The following MCUB variants were observed in gnomAD, a reference collection of about 807,000 sequenced individuals.
The protein encoded by MCUB is mitochondrial calcium uniporter dominant negative subunit beta.
Under a neutral mutation model 41.4 loss-of-function variants are expected in MCUB, and 46 were observed. That is an observed-to-expected ratio of 1.11 (90% confidence interval 0.88 to 1.42). The LOEUF is 1.42. Among genes scored for constraint, MCUB ranks in the 40% most tolerant of loss-of-function variants. The pLI is 0.00. For missense variants in MCUB, 403 were observed against 404.9 expected (o/e 1.00, Z 0.04); for synonymous variants, 148 against 148.2 (o/e 1.00, Z 0.01).
intron 1 of MCUB, among the ~76,000 whole-genome samples, chr4:109,600,920 G>A (rs1183650511): frequency 1.3e-5 from 2 of 151,906 alleles, no homozygotes; most frequent in Non-Finnish European, 2.9e-5. Flanking sequence ...ATAGCCTCCC[G>A]AATGGCTAGG....
At chr4:109,583,163 A>G (rs2126127082) in intron 1 of MCUB, among the ~76,000 whole-genome samples, 2 of 152,210 alleles carry the variant, frequency 1.3e-5, no homozygotes, top group Middle Eastern at 3.4e-3. Context: ...CGGTACGGCC[A>G]TTTTCATGAT....
chr4:109,616,274 CATTTT>C (rs5860982), intron 1 of MCUB, among the ~76,000 whole-genome samples: 32,052 of 151,904 alleles, frequency 0.21, 5,058 homozygotes, highest in African/African-American at 0.44. Flanking sequence ...GAGAATTCTG[CATTTT>C]ATTTTAACTG....
intron 1 of MCUB, among the ~76,000 whole-genome samples, chr4:109,650,736 C>A (rs1365429272): frequency 6.6e-6 from 1 of 152,154 alleles, no homozygotes; most frequent in African/African-American, 2.4e-5. Context: ...AAAATCTTGC[C>A]AATTTTTCCA....
At chr4:109,568,682 T>C (rs1726838477) in intron 1 of MCUB, among the ~76,000 whole-genome samples, 1 of 152,186 alleles carries the variant, frequency 6.6e-6, no homozygotes, top group South Asian at 2.1e-4. Flanking sequence ...AGCCCCACAA[T>C]ACTTACAGAA....
chr4:109,582,493 G>T (rs937489946), intron 1 of MCUB, among the ~76,000 whole-genome samples: 6 of 150,570 alleles, frequency 4.0e-5, no homozygotes, highest in African/African-American at 1.2e-4. Context: ...ACCTGCACGT[G>T]GGGCACATGT....
chr4:109,569,896 G>A (rs548095834), intron 1 of MCUB, among the ~76,000 whole-genome samples: 1 of 152,286 alleles, frequency 6.6e-6, no homozygotes, highest in African/African-American at 2.4e-5. Context: ...GAGACATTGT[G>A]AGATGAATGC....
chr4:109,646,250 C>G (rs1728833580), intron 1 of MCUB, among the ~76,000 whole-genome samples: 1 of 152,136 alleles, frequency 6.6e-6, no homozygotes, highest in Non-Finnish European at 1.5e-5. Flanking sequence ...ACATGGGAAA[C>G]TAAATTGATC....
At chr4:109,560,996 CG>C (rs1200997583) in intron 1 of MCUB, 1 of 152,128 alleles carries the variant, frequency 6.6e-6, no homozygotes, top group African/African-American at 2.4e-5. Flanking sequence ...ACCCGAGAGA[CG>C]GGTGAATCAT....
intron 1 of MCUB, among the ~76,000 whole-genome samples, chr4:109,612,839 T>G (rs147640734): frequency 0.017 from 2,636 of 152,178 alleles, 55 homozygotes; most frequent in African/African-American, 0.044. Context: ...GGGTGCGGTG[T>G]CTCACGCCTG....
intron 1 of MCUB, among the ~76,000 whole-genome samples, chr4:109,656,946 G>A: frequency 6.6e-6 from 1 of 152,144 alleles, no homozygotes; most frequent in East Asian, 1.9e-4. Context: ...CAGGCCGGGT[G>A]TGGTGGGTCA....
intron 1 of MCUB, among the ~76,000 whole-genome samples, chr4:109,653,617 C>A (rs1348716337): frequency 2.0e-5 from 3 of 152,062 alleles, no homozygotes; most frequent in Non-Finnish European, 2.9e-5. Flanking sequence ...ACTCTTGTTG[C>A]CCAGGCTGGA....
At chr4:109,590,445 T>G (rs1379272622) in intron 1 of MCUB, among the ~76,000 whole-genome samples, 3 of 152,246 alleles carry the variant, frequency 2.0e-5, no homozygotes, top group African/African-American at 4.8e-5. Context: ...AAATTGAGCT[T>G]CTTTTTATTA....
rs1729745144 is a variant in MCUB at position 109,682,648 on chromosome 4, C to T, written c.518C>T (p.Thr173Ile). The T allele has an allele frequency of 2.5e-6, 4 of 1,612,512 alleles. No homozygotes were observed. Among genetic ancestry groups the T allele is most frequent in the South Asian group, 2.2e-5 (2 of 91,042 alleles). Residue 173 changes from threonine to isoleucine, a missense_variant, in exon 5 of 8, where the codon ACA becomes ATA. Thr to Ile is a moderately conservative substitution (Grantham distance 89). Coordinates refer to ENST00000394650, the MANE Select transcript of MCUB (RefSeq NM_017918.5). ...HMKSLVHRLF[T>I]ILHLEESQKK... is the part of the protein sequence containing the mutation. ...AAATCTTTGGTTCACAGACTATTTA[C>T]AATCTTGCATTTAGAAGAGTCTCAG...
chr4:109,657,410 AT>A (rs143155334), intron 1 of MCUB, among the ~76,000 whole-genome samples: 5,637 of 152,114 alleles, frequency 0.037, 367 homozygotes, highest in African/African-American at 0.13. Flanking sequence ...TGTCATCTTT[AT>A]TTTTTGAAAC....
At chr4:109,631,698 A>C (rs111992704) in intron 1 of MCUB, among the ~76,000 whole-genome samples, 4 of 152,310 alleles carry the variant, frequency 2.6e-5, no homozygotes, top group African/African-American at 9.6e-5. Flanking sequence ...CCAGCTGTGC[A>C]GCTTTAGGCT....
At chr4:109,627,868 AG>A (rs2126137191) in intron 1 of MCUB, among the ~76,000 whole-genome samples, 1 of 151,860 alleles carries the variant, frequency 6.6e-6, no homozygotes, top group African/African-American at 2.4e-5. Context: ...AGCTGAGATC[AG>A]GCCACTGCAC....
At chr4:109,656,590 C>A (rs72674841) in intron 1 of MCUB, among the ~76,000 whole-genome samples, 1 of 151,804 alleles carries the variant, frequency 6.6e-6, no homozygotes, top group African/African-American at 2.4e-5. Context: ...TACCTGGGCT[C>A]AAACTTCTGG....
In MCUB at chr4:109,639,127, A is replaced by G. The variant is rs116439310; in HGVS notation, c.100-19884A>G. Among the ~76,000 whole-genome samples the G allele has an allele frequency of 3.9e-3, 596 of 152,314 alleles. 3 individuals carry two copies. Among genetic ancestry groups the G allele is most frequent in the African/African-American group, 0.013 (560 of 41,564 alleles). The stretch of plus-strand genomic sequence containing the variant: ...GTGAACCCTTTCTAGAAAGGTCTCA[A>G]TGTACTTTGCCAAGATTCATTAGAG... On this transcript the variant is annotated intron_variant, in intron 1 of 7. Transcript: ENST00000394650.
intron 4 of MCUB, among the ~76,000 whole-genome samples, chr4:109,673,211 T>C: frequency 6.6e-6 from 1 of 152,208 alleles, no homozygotes; most frequent in East Asian, 1.9e-4. Context: ...CCCTGGAAGG[T>C]CTTTCACTTG....
Sources: gnomAD v4.1 joint callset for allele counts (sites outside exome capture counted in the v4.1 genomes callset) on GRCh38, gnomAD v4.1.1 for gene constraint, MANE v1.5 for transcripts, NCBI Gene and HGNC (gene_info 2026-07-23, HGNC 2026-07-21) for gene names.